CR2: variants seen among roughly 807,000 people sequenced by gnomAD.
CR2 encodes the protein complement C3d receptor 2, also known as complement receptor type 2.
A neutral mutation model predicts 123.0 loss-of-function variants in CR2; 96 were observed. The observed-to-expected ratio is 0.78, with a 90% confidence interval of 0.66 to 0.93. The LOEUF (loss-of-function observed/expected upper bound fraction) is 0.93, where lower values mean the gene tolerates loss of function less well. CR2 is among the 40% of genes least tolerant of loss of function. The probability of loss-of-function intolerance (pLI) is 0.00; values close to 1 mark genes in which losing one functional copy is unlikely to be tolerated. For missense variants in CR2, 1,258 were observed against 1,361.0 expected, an observed-to-expected ratio of 0.92 and a Z score of 1.19; for synonymous variants, 484 against 469.5, an observed-to-expected ratio of 1.03 and a Z score of -0.40.
At chr1:207,462,751 GTAGAGGATGAGT>G (rs1278023232) in intron 1 of CR2, among the ~76,000 whole-genome samples, 1 of 152,162 alleles carries the variant, frequency 6.6e-6, no homozygotes, top group Admixed American at 6.6e-5. Context: ...AGAGAAGAGA[GTAGAGGATGAGT>G]TAGAGGATGA....
intron 16 of CR2, among the ~76,000 whole-genome samples, chr1:207,478,340 T>C (rs925357321): frequency 6.6e-6 from 1 of 151,256 alleles, no homozygotes; most frequent in African/African-American, 2.4e-5. Context: ...CTGGGCAATG[T>C]AGTGAGACCT....
chr1:207,475,177 A>G lies in CR2; in HGVS notation c.2677A>G (p.Asn893Asp). 6 of 1,613,648 alleles carry G rather than the reference A, an allele frequency of 3.7e-6. No individual in the cohort carries two copies. Among genetic ancestry groups the G allele is most frequent in the Non-Finnish European group, 5.1e-6 (6 of 1,179,820 alleles). ...TCGCGTGATTAGGTGTCATACTGAT[A>G]ACACATGGGTGCCAGGTGTGCCAAC... ...GSRVIRCHTD[N>D]TWVPGVPTCI... Residue 893 changes from asparagine (N) to aspartate (D), a missense_variant, in exon 14 of 20, where the codon AAC (asparagine) becomes GAC (aspartate). Transcript: ENST00000367057.
intron 9 of CR2, among the ~76,000 whole-genome samples, 198 bp downstream of exon 9, chr1:207,471,697 T>G (rs1354870037): frequency 1.3e-5 from 2 of 152,222 alleles, no homozygotes; most frequent in Non-Finnish European, 2.9e-5. Flanking sequence ...AAATCTACTT[T>G]GTTACTGATT....
In CR2 at chr1:207,469,848, G is replaced by A. The variant is rs779099967; in HGVS notation, c.971G>A (p.Arg324His). ...ATCCTTATTGGAGAGAGCACTCTCC[G>A]TTGTACAGTTGATAGTCAGAAGACT... ...NFILIGESTL[R>H]CTVDSQKTGT... Residue 324 changes from arginine (R) to histidine (H), a missense_variant, in exon 6 of 20, where the codon CGT (arginine) becomes CAT (histidine). Arg to His is a conservative substitution (Grantham distance 29). Coordinates refer to ENST00000367057, the MANE Select transcript of CR2 (RefSeq NM_001006658.3). 3.7e-5 allele frequency: 59 copies of A among 1,613,890 alleles called. No homozygotes were observed. Among genetic ancestry groups the A allele is most frequent in the East Asian group, 1.6e-4 (7 of 44,898 alleles).
intron 10 of CR2, 125 bp from the exon 11 acceptor site, chr1:207,473,420 G>A (rs548711101): frequency 2.0e-5 from 23 of 1,174,132 alleles, no homozygotes; most frequent in Middle Eastern, 5.4e-4. Context: ...GCATTCAGTA[G>A]TGAATTTGAG....
chr1:207,463,352 T>A (rs181375238), intron 1 of CR2, among the ~76,000 whole-genome samples: 1 of 152,148 alleles, frequency 6.6e-6, no homozygotes, highest in African/African-American at 2.4e-5. Context: ...TTAAAATAAA[T>A]AAGCAAAAAG....
At chr1:207,488,609 C>T (rs966823419) in intron 19 of CR2, among the ~76,000 whole-genome samples, 5 of 152,198 alleles carry the variant, frequency 3.3e-5, no homozygotes, top group African/African-American at 7.2e-5. Context: ...GCTGACAGAG[C>T]GAGACTCCAT....
chr1:207,466,949 G>C (rs781586693), intron 2 of CR2, 37 bp downstream of exon 2: 1 of 1,548,194 alleles, frequency 6.5e-7, no homozygotes, highest in Admixed American at 2.0e-5. Flanking sequence ...GGAGGTTGGG[G>C]TCTTGCCTTT....
chr1:207,477,077 A>G (rs1332640998), intron 15 of CR2, among the ~76,000 whole-genome samples: 2 of 152,222 alleles, frequency 1.3e-5, no homozygotes, highest in East Asian at 1.9e-4. Context: ...TACTAGAGCC[A>G]GGCTTCAAAT....
chr1:207,465,234 TAA>T (rs1335816581), intron 1 of CR2, among the ~76,000 whole-genome samples: 1 of 152,160 alleles, frequency 6.6e-6, no homozygotes, highest in Non-Finnish European at 1.5e-5. Context: ...CCTGCCTAGT[TAA>T]AGAGTTTAAA....
rs1470426603 is a variant in CR2, at chr1:207,476,396, G to A, written c.2879G>A (p.Ser960Asn). Residue 960 changes from serine to asparagine, a missense_variant, in exon 15 of 20, where the codon AGC (serine) becomes AAC (asparagine). Ser to Asn is a conservative substitution (Grantham distance 46). Coordinates refer to ENST00000367057, the MANE Select transcript of CR2 (RefSeq NM_001006658.3). ...CTTTGCACACATGAGGGAACCTGGA[G>A]CCAACCTGCCCCTCATTGTAAAGGT... The part of the protein sequence containing the change: ...LLLCTHEGTW[S>N]QPAPHCKEVN... 1.2e-6 allele frequency: 2 copies of A among 1,613,554 alleles called. No homozygotes were observed. The highest frequency in any genetic ancestry group is 2.7e-5 in the African/African-American group (2 of 74,898).
Position 207,489,276 on chromosome 1 carries a change from C to G in CR2, c.*153C>G, listed in dbSNP as rs1463168433. ...ATCACTTCCTATATGCACTTATTCT[C>G]AAGAAGAACATCTTTATGGTAAAGA... On this transcript the variant is annotated 3_prime_UTR_variant, in exon 20 of 20. Coordinates refer to ENST00000367057, the MANE Select transcript of CR2 (RefSeq NM_001006658.3). The G allele has an allele frequency of 6.6e-6, 1 of 152,190 alleles. No homozygotes were observed. The highest frequency in any genetic ancestry group is 2.4e-5 in the African/African-American group (1 of 41,464). The allele number at this position is 152,190 out of a possible 1,614,324, so 9.4% of individuals were successfully genotyped here.
chr1:207,473,531 G>A lies in CR2; in HGVS notation c.1979-14G>A. ...CTCTGTGTTGGTATTTATGTAGGGA[G>A]TTTTTCTCTTCAGGCTGCCAGTCAC... is the stretch of plus-strand genomic sequence containing the variant. On this transcript the variant is annotated splice_polypyrimidine_tract_variant and intron_variant, in intron 10 of 19. Coordinates refer to ENST00000367057, the MANE Select transcript of CR2 (RefSeq NM_001006658.3). The A allele has an allele frequency of 6.2e-7, 1 of 1,611,750 alleles. No individual in the cohort carries two copies. Among genetic ancestry groups the A allele is most frequent in the Non-Finnish European group, 8.5e-7 (1 of 1,177,920 alleles).
At chr1:207,489,119 TAA>T (rs1293221700) in intron 19 of CR2, 21 bp from the exon 20 acceptor site, 1 of 152,368 alleles carries the variant, frequency 6.6e-6, no homozygotes, top group Non-Finnish European at 1.5e-5. Context: ...TGCTGCCTCC[TAA>T]ACAGAAATGA....
At chr1:207,470,568 G>C (rs1658238266) in intron 6 of CR2, among the ~76,000 whole-genome samples, 172 bp from the exon 7 acceptor site, 1 of 152,124 alleles carries the variant, frequency 6.6e-6, no homozygotes, top group East Asian at 1.9e-4. Flanking sequence ...AACAACAAAA[G>C]ATTGGGAAAC....
intron 1 of CR2, 118 bp from the exon 2 acceptor site, chr1:207,466,408 A>G (rs1658099162): frequency 1.7e-6 from 2 of 1,190,658 alleles, no homozygotes; most frequent in Non-Finnish European, 2.5e-6. Context: ...TAAACTATAC[A>G]TATTTCTAAG....
Position 207,473,125 on chromosome 1 carries a change from A to G in CR2, c.1924A>G (p.Ile642Val). Residue 642 changes from isoleucine to valine, a missense_variant, in exon 10 of 20, where the codon ATT (isoleucine) becomes GTT (valine). Physicochemically the swap from Ile to Val is conservative, Grantham distance 29 (BLOSUM62 3). Transcript: ENST00000367057. Reference sequence around the variant, plus strand: ...ATTTACTTTGAAGGGCAGTAGTCAGATTCGTTGCAAAGCTGATAACACCTG... The same window carrying G: ...ATTTACTTTGAAGGGCAGTAGTCAGGTTCGTTGCAAAGCTGATAACACCTG... ...SGFTLKGSSQ[I>V]RCKADNTWDP... 6.2e-7 allele frequency: 1 copy of G among 1,613,988 alleles called. No homozygotes were observed. Among genetic ancestry groups the G allele is most frequent in the Non-Finnish European group, 8.5e-7 (1 of 1,179,894 alleles).
At position 207,485,573 on chromosome 1, in the gene CR2, G is replaced by A. The variant is rs761514574; in HGVS notation, c.*18+1G>A. The A allele has an allele frequency of 5.4e-6, 8 of 1,493,340 alleles. No individual in the cohort carries two copies. Among genetic ancestry groups the A allele is most frequent in the Non-Finnish European group, 7.5e-6 (8 of 1,070,008 alleles). 92.5% of individuals were successfully genotyped at this position (1,493,340 alleles called of 1,614,324 possible). ...CAGCTGATCAGAAGACAAACTGGTG[G>A]TATGTAATGAAATGGAATATTATTA... is the stretch of plus-strand genomic sequence containing the variant. On this transcript the variant is annotated splice_donor_variant, in intron 19 of 19. Coordinates refer to ENST00000367057, the MANE Select transcript of CR2 (RefSeq NM_001006658.3). LOFTEE classifies it low-confidence loss of function (3UTR_SPLICE).
intron 18 of CR2, among the ~76,000 whole-genome samples, chr1:207,483,442 G>A (rs1658660252): frequency 6.6e-6 from 1 of 152,096 alleles, no homozygotes; most frequent in Non-Finnish European, 1.5e-5. Context: ...CAGTTAGCGT[G>A]TACTTAGAGT....
Sources: gnomAD v4.1 joint callset for allele counts (sites outside exome capture counted in the v4.1 genomes callset) on GRCh38, gnomAD v4.1.1 for gene constraint, MANE v1.5 for transcripts, NCBI Gene and HGNC (gene_info 2026-07-23, HGNC 2026-07-21) for gene names.